Variants in NCALD observed in about 807,000 individuals in gnomAD.
NCALD encodes neurocalcin-delta.
NCALD carries 10 observed loss-of-function variants against 18.6 expected under a neutral mutation model. The ratio of observed to expected loss-of-function variants is 0.54; its 90% CI spans 0.33 to 0.91. The LOEUF is 0.91. Ranked by LOEUF, NCALD falls within the 40% of genes least tolerant of loss-of-function variation. The pLI is 0.03. For synonymous variants in NCALD, 88 were observed against 87.4 expected (o/e 1.01, Z -0.04); for missense variants, 184 against 247.6 (o/e 0.74, Z 1.72).
At chr8:102,055,060 G>C (rs976948682) in intron 1 of NCALD, among the ~76,000 whole-genome samples, 7 of 151,740 alleles carry the variant, frequency 4.6e-5, no homozygotes, top group Non-Finnish European at 8.8e-5. Flanking sequence ...TCAATATCCA[G>C]GTCACTCATC....
chr8:101,758,284 C>A lies in NCALD; in HGVS notation c.-20+32578G>T, dbSNP rs147226480. 1.5e-3 allele frequency among the ~76,000 whole-genome samples: 227 copies of A among 152,268 alleles called. 2 individuals carry two copies. The highest frequency in any genetic ancestry group is 5.3e-3 in the African/African-American group (219 of 41,556). On this transcript the variant is annotated intron_variant, in intron 1 of 3. Transcript: ENST00000220931. ...GCTCCAACTCCACAGAAAGGCAGGCCCTTCTTAGCAGGCCCCAGCTCTCCC... is the reference window on the plus strand; with the variant it reads ...GCTCCAACTCCACAGAAAGGCAGGCACTTCTTAGCAGGCCCCAGCTCTCCC...
At chr8:102,000,082 G>A (rs1022325684) in intron 2 of NCALD, among the ~76,000 whole-genome samples, 1 of 152,214 alleles carries the variant, frequency 6.6e-6, no homozygotes, top group Non-Finnish European at 1.5e-5. Flanking sequence ...GAAGCAGGGC[G>A]AGGCATTGCC....
intron 1 of NCALD, among the ~76,000 whole-genome samples, chr8:102,021,942 C>G (rs1263472804): frequency 6.6e-6 from 1 of 152,096 alleles, no homozygotes; most frequent in East Asian, 1.9e-4. Flanking sequence ...AAAGCCATAG[C>G]CCTCTCTGTG....
chr8:102,106,318 C>T (rs1430763151), intron 1 of NCALD, among the ~76,000 whole-genome samples: 3 of 151,990 alleles, frequency 2.0e-5, no homozygotes, highest in African/African-American at 7.3e-5. Flanking sequence ...ATGTGATCCT[C>T]CAGCCTCAGC....
chr8:102,124,455 G>C (rs1378949133), upstream of NCALD: 3 of 152,166 alleles, frequency 2.0e-5, no homozygotes, highest in Admixed American at 2.0e-4. Flanking sequence ...GGGGTTGCAG[G>C]GGGGCCAAGA....
chr8:102,025,643 T>C (rs1287784286), intron 1 of NCALD, among the ~76,000 whole-genome samples: 1 of 152,210 alleles, frequency 6.6e-6, no homozygotes, highest in Non-Finnish European at 1.5e-5. Flanking sequence ...GCACCCATGA[T>C]ATATAACGCA....
intron 2 of NCALD, among the ~76,000 whole-genome samples, chr8:101,993,634 GT>G (rs1178735848): frequency 6.6e-6 from 1 of 152,128 alleles, no homozygotes; most frequent in Non-Finnish European, 1.5e-5. Flanking sequence ...CCTCCTCTTG[GT>G]CCTCCTACTA....
At chr8:101,937,400 TATC>T (rs1818804262) in intron 2 of NCALD, among the ~76,000 whole-genome samples, 1 of 152,152 alleles carries the variant, frequency 6.6e-6, no homozygotes, top group African/African-American at 2.4e-5. Context: ...GTTCATGAGT[TATC>T]ATAATTCAGC....
intron 1 of NCALD, among the ~76,000 whole-genome samples, chr8:101,766,452 T>C (rs1398904122): frequency 2.6e-5 from 4 of 152,248 alleles, no homozygotes; most frequent in Admixed American, 1.3e-4. Context: ...ATTTTTCTTA[T>C]ATATGATACA....
At chr8:102,009,743 T>G (rs1449371778) in intron 2 of NCALD, among the ~76,000 whole-genome samples, 3 of 152,242 alleles carry the variant, frequency 2.0e-5, no homozygotes, top group Non-Finnish European at 2.9e-5. Context: ...ACCGTCTTTC[T>G]GTCTGGAGAA....
intron 1 of NCALD, among the ~76,000 whole-genome samples, chr8:101,747,112 G>GGCACACAGTCTGTTGGACCC (rs1414010821): frequency 6.6e-6 from 1 of 152,150 alleles, no homozygotes. Flanking sequence ...AAGTTCCCGT[G>GGCACACAGTCTGTTGGACCC]GCACACAGTC....
At chr8:102,037,174 A>G (rs1316352374) in intron 1 of NCALD, among the ~76,000 whole-genome samples, 1 of 152,172 alleles carries the variant, frequency 6.6e-6, no homozygotes, top group African/African-American at 2.4e-5. Flanking sequence ...CTCTATTTTA[A>G]GCAACTTATA....
intron 1 of NCALD, among the ~76,000 whole-genome samples, chr8:102,106,073 A>T (rs561890219): frequency 7.0e-6 from 1 of 143,868 alleles, no homozygotes; most frequent in African/African-American, 2.5e-5. Flanking sequence ...TAGAACAACA[A>T]TTTTTTTTTT....
intron 2 of NCALD, among the ~76,000 whole-genome samples, chr8:101,958,423 T>C (rs1441159207): frequency 6.6e-6 from 1 of 152,050 alleles, no homozygotes; most frequent in East Asian, 1.9e-4. Flanking sequence ...ATCACTGATG[T>C]AGGGAGGAAT....
At position 101,836,723 on chromosome 8, in the gene NCALD, T is replaced by G. The variant is rs568643580; in HGVS notation, c.-20+50418A>C. ...AGACTAGAACGATCTTAGTAAGAAG[T>G]CTGTGCATTCCTCAGTAAGACAATT... On this transcript the variant is annotated intron_variant, in intron 4 of 6. Transcript: ENST00000311028. Among the ~76,000 whole-genome samples the G allele has an allele frequency of 6.6e-5, 10 of 152,346 alleles. No homozygotes were observed. In the South Asian group the frequency reaches 2.1e-3, roughly 32 times the overall value.
chr8:101,795,702 C>T (rs181619994), upstream of NCALD, among the ~76,000 whole-genome samples: 1 of 152,312 alleles, frequency 6.6e-6, no homozygotes, highest in African/African-American at 2.4e-5. Flanking sequence ...ATAGACTCTG[C>T]ATTTCCCACT....
At chr8:101,826,423 T>G (rs1434856950) in intron 4 of NCALD, among the ~76,000 whole-genome samples, 1 of 152,130 alleles carries the variant, frequency 6.6e-6, no homozygotes, top group African/African-American at 2.4e-5. Flanking sequence ...GGTTAGAGGG[T>G]TGTGAGGTAT....
At chr8:101,775,166 T>A (rs996030520) in intron 1 of NCALD, among the ~76,000 whole-genome samples, 2 of 152,208 alleles carry the variant, frequency 1.3e-5, no homozygotes, top group African/African-American at 2.4e-5. Flanking sequence ...ATATGGTTCA[T>A]CACATTGGGC....
chr8:102,107,292 G>A (rs1479829231), intron 1 of NCALD, among the ~76,000 whole-genome samples: 1 of 140,822 alleles, frequency 7.1e-6, no homozygotes, highest in East Asian at 2.1e-4. Context: ...ATGAATAAGA[G>A]GCACACGAGA....
Sources: allele counts gnomAD v4.1 joint callset (sites outside exome capture counted in the v4.1 genomes callset), GRCh38; gene constraint gnomAD v4.1.1; transcripts MANE v1.5; gene names NCBI Gene and HGNC (gene_info 2026-07-23, HGNC 2026-07-21).